Variants in ATP13A5 observed in about 807,000 individuals in gnomAD.
ATP13A5 encodes the protein probable cation-transporting ATPase 13A5.
In ATP13A5, 149 loss-of-function variants were observed where a neutral mutation model predicts 150.2. The observed-to-expected ratio is 0.99, with a 90% confidence interval of 0.87 to 1.14. The LOEUF (loss-of-function observed/expected upper bound fraction) is 1.14, where lower values mean the gene tolerates loss of function less well. Among genes scored for constraint, ATP13A5 ranks in the 50% most tolerant of loss-of-function variants. The pLI is 0.00. For missense variants in ATP13A5, 1,383 were observed against 1,449.3 expected (o/e 0.95, Z 0.74); for synonymous variants, 497 against 522.2 (o/e 0.95, Z 0.66).
At position 193,322,696 on chromosome 3, in the gene ATP13A5, C is replaced by T. The variant is rs1487551448; in HGVS notation, c.1675-122G>A. ...ATTTTTACATATTTTCTCTTCCAGG[C>T]CAATTATCTTAATACTGTCATTGTC... On this transcript the variant is annotated intron_variant, in intron 14 of 29. Transcript: ENST00000342358. 5.7e-6 allele frequency: 4 copies of T among 700,178 alleles called. No homozygotes were observed. The South Asian group carries it at 5.8e-5, about 10-fold the overall frequency. 43.4% of individuals were successfully genotyped at this position (700,178 alleles called of 1,614,324 possible).
chr3:193,350,322 C>G (rs1712516844), intron 7 of ATP13A5, among the ~76,000 whole-genome samples: 2 of 152,006 alleles, frequency 1.3e-5, no homozygotes, highest in Non-Finnish European at 2.9e-5. Context: ...TCAGTGGGTT[C>G]CCTTATAATA....
intron 16 of ATP13A5, among the ~76,000 whole-genome samples, chr3:193,319,712 C>T (rs1434423142): frequency 6.6e-6 from 1 of 152,130 alleles, no homozygotes; most frequent in African/African-American, 2.4e-5. Flanking sequence ...AAGAACAGAC[C>T]TCAGGACTGG....
intron 23 of ATP13A5, among the ~76,000 whole-genome samples, chr3:193,304,668 C>T (rs1243063338): frequency 6.6e-6 from 1 of 152,072 alleles, no homozygotes; most frequent in East Asian, 1.9e-4. Flanking sequence ...TATAAGTAGA[C>T]ATGAGATCAG....
chr3:193,299,097 A>C (rs750523149), intron 25 of ATP13A5, 34 bp downstream of exon 25: 1 of 1,516,562 alleles, frequency 6.6e-7, no homozygotes, highest in Admixed American at 2.1e-5. Flanking sequence ...TAGATAAATA[A>C]AAACAATATA....
At chr3:193,359,081 G>GAT (rs10542234) in intron 5 of ATP13A5, among the ~76,000 whole-genome samples, 49 of 151,224 alleles carry the variant, frequency 3.2e-4, no homozygotes, top group African/African-American at 5.3e-4. Flanking sequence ...TTAAAGAAAG[G>GAT]ATATATATAT....
In ATP13A5 at chr3:193,311,888, G is replaced by T. The variant is rs764111763; in HGVS notation, c.2373C>A (p.Ser791Arg). The part of the protein sequence containing the change: ...NSSTPRGEGG[S>R]CYHFAMSGKS... ...TCCCACTCATTGCAAAATGGTAACA[G>T]CTTCCTCCTTCCCCACGAGGGGTTG... The change falls in exon 20 of 30, where the codon AGC (serine) becomes AGA (arginine). Residue 791 changes from serine to arginine, a missense_variant. Physicochemically the swap from Ser to Arg is moderately radical, Grantham distance 110 (BLOSUM62 -1). Coordinates refer to ENST00000342358, the MANE Select transcript of ATP13A5 (RefSeq NM_198505.4). 3.7e-6 allele frequency: 6 copies of T among 1,613,798 alleles called. No individual in the cohort carries two copies. The East Asian group carries it at 1.3e-4, about 36-fold the overall frequency.
intron 9 of ATP13A5, 99 bp downstream of exon 9, chr3:193,343,828 C>G: frequency 7.1e-7 from 1 of 1,399,588 alleles, no homozygotes. Context: ...TCACCTATCT[C>G]TGAATATCTT....
chr3:193,329,692 A>T (rs1186451736), intron 12 of ATP13A5, among the ~76,000 whole-genome samples: 1 of 152,162 alleles, frequency 6.6e-6, no homozygotes, highest in South Asian at 2.1e-4. Context: ...ACAAACAGAA[A>T]GAGAACTGAC....
chr3:193,308,608 T>C (rs1486407190), intron 21 of ATP13A5, among the ~76,000 whole-genome samples: 1 of 152,096 alleles, frequency 6.6e-6, no homozygotes, highest in African/African-American at 2.4e-5. Context: ...TTAAAGCACA[T>C]ATTTAGTCTC....
At chr3:193,298,324 C>T (rs1718254735) in intron 25 of ATP13A5, among the ~76,000 whole-genome samples, 1 of 152,020 alleles carries the variant, frequency 6.6e-6, no homozygotes, top group Non-Finnish European at 1.5e-5. Context: ...TTTTAATGAA[C>T]TATGAATAGA....
chr3:193,335,233 G>A lies in ATP13A5; in HGVS notation c.944-134C>T, dbSNP rs538183021. 15 of 730,812 alleles carry A rather than the reference G, an allele frequency of 2.1e-5. No homozygotes were observed. The African/African-American group carries it at 2.6e-4, about 13-fold the overall frequency. 45.3% of individuals were successfully genotyped at this position (730,812 alleles called of 1,614,324 possible). On this transcript the variant is annotated intron_variant, in intron 9 of 29. Coordinates refer to ENST00000342358, the MANE Select transcript of ATP13A5 (RefSeq NM_198505.4). ...TGCCCATCCCATGAGTCAGATGACT[G>A]TTCATAGAGATGCTGGTGGTACAAG... is the stretch of plus-strand genomic sequence containing the variant.
intron 9 of ATP13A5, 126 bp from the exon 10 acceptor site, chr3:193,335,225 AG>A: frequency 1.3e-6 from 1 of 791,168 alleles, no homozygotes; most frequent in South Asian, 1.8e-5. Context: ...CCCATGAGTC[AG>A]ATGACTGTTC....
chr3:193,336,397 C>T (rs941973767), intron 9 of ATP13A5, among the ~76,000 whole-genome samples: 8 of 152,148 alleles, frequency 5.3e-5, no homozygotes, highest in Non-Finnish European at 8.8e-5. Flanking sequence ...CTCCCCCCAC[C>T]TCACGACAGG....
Position 193,338,848 on chromosome 3 carries a change from T to A in ATP13A5, c.944-3749A>T, listed in dbSNP as rs528166965. ...TTGTACCTCTGGTAGAATTCGGCAG[T>A]GAATCTGTCTGGTCCTGGACTTTTT... On this transcript the variant is annotated intron_variant, in intron 9 of 29. Transcript: ENST00000342358. 3.1e-4 allele frequency among the ~76,000 whole-genome samples: 47 copies of A among 152,346 alleles called. No homozygotes were observed. The South Asian group carries it at 9.3e-3, about 30-fold the overall frequency.
chr3:193,363,317 A>C lies in ATP13A5; in HGVS notation c.303T>G (p.Pro101=), dbSNP rs755637482. 1 of 1,613,852 alleles carries C rather than the reference A, an allele frequency of 6.2e-7. No individual in the cohort carries two copies. Among genetic ancestry groups the C allele is most frequent in the Non-Finnish European group, 8.5e-7 (1 of 1,179,864 alleles). ...GGGATTCTTCCCACTTCTTGCTTAC[A>C]GGAAACTTCAGTGTGGATAAGTAGA... ...FCLYLSTLKF[P]VSKKWEESLV... Residue 101 remains proline, a synonymous_variant, in exon 3 of 30, where the codon CCT becomes CCG. Coordinates refer to ENST00000342358, the MANE Select transcript of ATP13A5 (RefSeq NM_198505.4).
intron 1 of ATP13A5, among the ~76,000 whole-genome samples, chr3:193,369,040 T>C (rs113358555): frequency 0.019 from 2,922 of 152,198 alleles, 103 homozygotes; most frequent in African/African-American, 0.066. Context: ...GGCCAGGAGT[T>C]CAAGACCAGC....
intron 16 of ATP13A5, among the ~76,000 whole-genome samples, chr3:193,320,096 A>ACC (rs1468129924): frequency 6.6e-6 from 1 of 152,238 alleles, no homozygotes; most frequent in East Asian, 1.9e-4. Context: ...CTATAAGGGT[A>ACC]TTAGAGGGAA....
chr3:193,309,245 C>G (rs1174175812), intron 21 of ATP13A5, among the ~76,000 whole-genome samples: 1 of 152,144 alleles, frequency 6.6e-6, no homozygotes, highest in Non-Finnish European at 1.5e-5. Context: ...CAGATAAAGG[C>G]AAAATGCTAT....
intron 12 of ATP13A5, among the ~76,000 whole-genome samples, chr3:193,328,724 T>A (rs1711512708): frequency 6.6e-6 from 1 of 152,132 alleles, no homozygotes; most frequent in Middle Eastern, 3.2e-3. Flanking sequence ...AAGAAAGAAC[T>A]TGTCTTACAG....
Sources: gnomAD v4.1 joint callset for allele counts (sites outside exome capture counted in the v4.1 genomes callset) on GRCh38, gnomAD v4.1.1 for gene constraint, MANE v1.5 for transcripts, NCBI Gene and HGNC (gene_info 2026-07-23, HGNC 2026-07-21) for gene names.